The following UHRF2 variants were observed in gnomAD, a reference collection of about 807,000 sequenced individuals.
UHRF2 encodes E3 ubiquitin-protein ligase UHRF2.
In UHRF2, 23 loss-of-function variants were observed where a neutral mutation model predicts 96.8. The observed-to-expected ratio is 0.24, with a 90% CI of 0.17 to 0.34. The LOEUF is 0.34. Among genes scored for constraint, UHRF2 ranks in the 10% least tolerant of loss-of-function variants. UHRF2 has a pLI of 1.00. For synonymous variants in UHRF2, 385 were observed against 332.6 expected (o/e 1.16, Z -1.72); for missense variants, 685 against 981.5 (o/e 0.70, Z 4.04).
intron 3 of UHRF2, among the ~76,000 whole-genome samples, chr9:6,447,055 A>AT (rs1371728931): frequency 2.0e-5 from 3 of 151,556 alleles, no homozygotes; most frequent in Non-Finnish European, 4.4e-5. Context: ...CACCCGGCTA[A>AT]TTTTTTTGTA....
chr9:6,433,043 G>T (rs1820645538), intron 2 of UHRF2, among the ~76,000 whole-genome samples: 1 of 152,064 alleles, frequency 6.6e-6, no homozygotes, highest in Non-Finnish European at 1.5e-5. Flanking sequence ...GTTTCACTAT[G>T]TTGGCCAGGC....
At chr9:6,466,979 TCTTTA>T (rs1464689228) in intron 4 of UHRF2, among the ~76,000 whole-genome samples, 9 of 152,216 alleles carry the variant, frequency 5.9e-5, no homozygotes, top group Non-Finnish European at 1.3e-4. Context: ...TTTTCTGAAT[TCTTTA>T]TTTTATTTAT....
chr9:6,456,565 T>C (rs1822191412), intron 3 of UHRF2, among the ~76,000 whole-genome samples: 1 of 152,256 alleles, frequency 6.6e-6, no homozygotes, highest in Admixed American at 6.5e-5. Flanking sequence ...TTTTGGCTTC[T>C]GTTGCCGTTG....
At chr9:6,476,000 G>A (rs1034667905) in intron 5 of UHRF2, among the ~76,000 whole-genome samples, 3 of 151,840 alleles carry the variant, frequency 2.0e-5, no homozygotes, top group Non-Finnish European at 4.4e-5. Flanking sequence ...CTGTATCTTT[G>A]CACCCTATAG....
chr9:6,423,822 G>A (rs918451231), intron 2 of UHRF2, among the ~76,000 whole-genome samples: 1 of 151,996 alleles, frequency 6.6e-6, no homozygotes, highest in Admixed American at 6.5e-5. Flanking sequence ...GCAGGTGCCT[G>A]TAATCCCAGC....
At chr9:6,466,939 A>G (rs1822897097) in intron 4 of UHRF2, among the ~76,000 whole-genome samples, 1 of 152,198 alleles carries the variant, frequency 6.6e-6, no homozygotes, top group South Asian at 2.1e-4. Flanking sequence ...TACCAGACAT[A>G]AGCTACTTAA....
chr9:6,458,072 A>G (rs1476414297), intron 3 of UHRF2, among the ~76,000 whole-genome samples: 2 of 152,206 alleles, frequency 1.3e-5, no homozygotes, highest in Non-Finnish European at 2.9e-5. Context: ...GAATAGTTTC[A>G]GAAGAAATGG....
intron 8 of UHRF2, among the ~76,000 whole-genome samples, chr9:6,483,324 CAAAAAA>C (rs34497002): frequency 3.4e-5 from 2 of 59,536 alleles, no homozygotes; most frequent in African/African-American, 6.1e-5. Flanking sequence ...GACTCTGTCT[CAAAAAA>C]AAAAAAAAAA....
intron 4 of UHRF2, chr9:6,468,666 T>C (rs1338807991): frequency 4.4e-6 from 2 of 455,952 alleles, no homozygotes; most frequent in African/African-American, 4.0e-5. Flanking sequence ...GGGCTTTGGT[T>C]GAATACTGGA....
At chr9:6,485,214 A>T (rs1824196690) in intron 8 of UHRF2, among the ~76,000 whole-genome samples, 1 of 152,226 alleles carries the variant, frequency 6.6e-6, no homozygotes, top group Non-Finnish European at 1.5e-5. Context: ...GGTTATTATG[A>T]CTTTGGATCT....
chr9:6,413,805 C>T (rs1819429696), intron 1 of UHRF2, 162 bp downstream of exon 1: 5 of 913,790 alleles, frequency 5.5e-6, no homozygotes, highest in African/African-American at 1.8e-5. Context: ...GGGCCCAGTC[C>T]CGCCGAATGG....
chr9:6,469,681 T>TATATACATATATATACACGTATATAC, intron 4 of UHRF2, among the ~76,000 whole-genome samples: 1 of 87,688 alleles, frequency 1.1e-5, no homozygotes, highest in African/African-American at 8.3e-5. Context: ...TGTGTGTATG[T>TATATACATATATATACACGTATATAC]ATATATATAC....
intron 1 of UHRF2, chr9:6,415,189 C>T (rs1333721960): frequency 2.0e-5 from 3 of 152,162 alleles, no homozygotes; most frequent in African/African-American, 7.2e-5. Flanking sequence ...AAATAATTAT[C>T]ACATATGGGA....
chr9:6,416,574 G>C (rs553627731), intron 1 of UHRF2, among the ~76,000 whole-genome samples: 90 of 107,360 alleles, frequency 8.4e-4, no homozygotes, highest in East Asian at 2.1e-3. Context: ...ACGGAGTCTC[G>C]TTCTGTCGCC....
At chr9:6,438,908 C>G (rs760251233) in intron 3 of UHRF2, among the ~76,000 whole-genome samples, 2 of 152,074 alleles carry the variant, frequency 1.3e-5, no homozygotes, top group Non-Finnish European at 2.9e-5. Flanking sequence ...GGAATGATAG[C>G]CATTATAGAT....
intron 2 of UHRF2, chr9:6,422,671 G>T: frequency 1.6e-6 from 1 of 642,850 alleles, no homozygotes; most frequent in Non-Finnish European, 2.9e-6. Flanking sequence ...GTGCAGTGAC[G>T]TGAACACGGC....
chr9:6,486,692 A>G (rs536921874), intron 8 of UHRF2, 129 bp from the exon 9 acceptor site: 1 of 774,180 alleles, frequency 1.3e-6, no homozygotes, highest in South Asian at 2.1e-5. Flanking sequence ...AAAATGAGAG[A>G]GCAAAAGATA....
intron 4 of UHRF2, among the ~76,000 whole-genome samples, chr9:6,472,403 G>C (rs1318863092): frequency 6.6e-6 from 1 of 152,182 alleles, no homozygotes; most frequent in African/African-American, 2.4e-5. Context: ...TTCCAGAAAA[G>C]CATTAGTCAA....
At position 6,485,828 on chromosome 9, in the gene UHRF2, A is replaced by G. The variant is rs948405080; in HGVS notation, c.1393-993A>G. Among the ~76,000 whole-genome samples, 28 of 146,408 alleles carry G rather than the reference A, an allele frequency of 1.9e-4. No individual in the cohort carries two copies. The South Asian group carries it at 3.9e-3, about 20-fold the overall frequency. ...CAAAAAAAAAAAAAAAAAAAAAAAA[A>G]CAAAACCCAAAACCAATTGTATGAC... On this transcript the variant is annotated intron_variant, in intron 8 of 15. Transcript: ENST00000276893.
Sources: allele counts gnomAD v4.1 joint callset (sites outside exome capture counted in the v4.1 genomes callset), GRCh38; gene constraint gnomAD v4.1.1; transcripts MANE v1.5; gene names NCBI Gene and HGNC (gene_info 2026-07-23, HGNC 2026-07-21).